Variants in CAST observed in about 807,000 individuals in gnomAD.
The protein encoded by CAST is calpastatin, also known as MIR583 host.
A neutral mutation model predicts 119.6 loss-of-function variants in CAST; 76 were observed. The ratio of observed to expected loss-of-function variants is 0.64; its 90% CI spans 0.53 to 0.77. The LOEUF (loss-of-function observed/expected upper bound fraction) is 0.77, where lower values mean the gene tolerates loss of function less well. Among genes scored for constraint, CAST ranks in the 30% least tolerant of loss-of-function variants. The pLI, the probability that CAST is intolerant of heterozygous loss-of-function variation, is 0.00. For synonymous variants in CAST, 319 were observed against 331.6 expected (o/e 0.96, Z 0.41); for missense variants, 953 against 946.5 (o/e 1.01, Z -0.09).
the CAST span, among the ~76,000 whole-genome samples, chr5:96,207,080 A>G: frequency 1.3e-5 from 2 of 151,988 alleles, no homozygotes; most frequent in Non-Finnish European, 2.9e-5. Flanking sequence ...ATAGGATCAC[A>G]TTCTTGATTT....
chr5:96,596,751 A>G (rs576869535), intron 1 of CAST, among the ~76,000 whole-genome samples: 11 of 152,286 alleles, frequency 7.2e-5, no homozygotes, highest in African/African-American at 2.4e-4. Flanking sequence ...CTACAGCACC[A>G]TGTTGAGAAT....
rs1561513822 is a variant in CAST, at chr5:96,716,618, T to C, written c.211-6021T>C. Among the ~76,000 whole-genome samples the C allele has an allele frequency of 2.6e-5, 4 of 152,044 alleles. 1 individual carries two copies. The highest frequency in any genetic ancestry group is 2.0e-4 in the Admixed American group (3 of 15,256). On this transcript the variant is annotated intron_variant, in intron 3 of 31. Transcript: ENST00000675179. ...TTTTATAAATGTTGTGAGGAAAGGA[T>C]TTTTTTTCACCCATGATTGCCTTTA... is the stretch of plus-strand genomic sequence containing the variant.
chr5:95,986,680 C>T, the CAST span, among the ~76,000 whole-genome samples: 2 of 152,098 alleles, frequency 1.3e-5, no homozygotes, highest in African/African-American at 4.8e-5. Context: ...TCTTCTGGAG[C>T]CACCTTTCTG....
chr5:96,286,630 G>GT, the CAST span, among the ~76,000 whole-genome samples: 1 of 152,096 alleles, frequency 6.6e-6, no homozygotes, highest in East Asian at 1.9e-4. Context: ...TCTCCAACAA[G>GT]GTCTGATTTG....
intron 1 of CAST, among the ~76,000 whole-genome samples, chr5:96,556,340 A>G (rs1012262820): frequency 1.7e-4 from 26 of 152,242 alleles, no homozygotes; most frequent in African/African-American, 6.3e-4. Flanking sequence ...CTCACCAGCA[A>G]CAGAACAAAG....
the CAST span, among the ~76,000 whole-genome samples, chr5:96,084,031 T>C: frequency 1.3e-5 from 2 of 152,198 alleles, no homozygotes; most frequent in Non-Finnish European, 2.9e-5. Flanking sequence ...GTAAAGCATT[T>C]AGAACAATGC....
At chr5:96,029,208 A>G in the CAST span, among the ~76,000 whole-genome samples, 1 of 152,184 alleles carries the variant, frequency 6.6e-6, no homozygotes, top group South Asian at 2.1e-4. Flanking sequence ...AACGTACAAT[A>G]GCAGTTAGGT....
the CAST span, among the ~76,000 whole-genome samples, chr5:95,981,705 C>G: frequency 6.6e-6 from 1 of 152,152 alleles, no homozygotes; most frequent in Non-Finnish European, 1.5e-5. Context: ...GAAACCCCAT[C>G]TCTACTAAAA....
At chr5:96,522,836 T>C (rs1745539339), upstream of CAST, among the ~76,000 whole-genome samples, 1 of 152,198 alleles carries the variant, frequency 6.6e-6, no homozygotes, top group Non-Finnish European at 1.5e-5. Flanking sequence ...CCAGCGGATA[T>C]TTCTCAAGTG....
the CAST span, among the ~76,000 whole-genome samples, chr5:96,349,143 T>TTTA: frequency 6.9e-6 from 1 of 144,692 alleles, no homozygotes; most frequent in Admixed American, 6.9e-5. Context: ...GACACTATTT[T>TTTA]TTTTTTTTTT....
chr5:96,531,482 A>T (rs1580812377), intron 1 of CAST, among the ~76,000 whole-genome samples: 1 of 152,202 alleles, frequency 6.6e-6, no homozygotes, highest in East Asian at 1.9e-4. Flanking sequence ...GCTTCTAGAG[A>T]TTGCCTAGTA....
At position 96,757,654 on chromosome 5, in the gene CAST, T is replaced by C. The variant is rs201746122; in HGVS notation, c.1833T>C (p.Leu611=). 5.6e-6 allele frequency: 9 copies of C among 1,605,304 alleles called. No homozygotes were observed. The Admixed American group carries it at 1.5e-4, about 27-fold the overall frequency. Residue 611 remains leucine (L), a splice_region_variant and synonymous_variant, in exon 24 of 32, where the codon CTT becomes CTC. Transcript: ENST00000675179. The part of the protein sequence containing the change: ...DFSGPQNASS[L]KFEDAKLAAA... The stretch of plus-strand genomic sequence containing the variant: ...CTGGTCCACAAAATGCTTCATCTCT[T>C]GTAAGTCCAAAACTCTTGGTTTTAT...
the CAST span, among the ~76,000 whole-genome samples, chr5:96,140,897 C>T: frequency 6.6e-6 from 1 of 152,172 alleles, no homozygotes; most frequent in South Asian, 2.1e-4. Flanking sequence ...TCTATTGTAA[C>T]ACTCCTTACC....
chr5:96,437,180 G>A, the CAST span, among the ~76,000 whole-genome samples: 2 of 152,296 alleles, frequency 1.3e-5, no homozygotes, highest in Middle Eastern at 6.8e-3. Context: ...TCTATACACT[G>A]CAAAGGCTTT....
At chr5:96,014,977 C>T in the CAST span, among the ~76,000 whole-genome samples, 3 of 151,996 alleles carry the variant, frequency 2.0e-5, no homozygotes, top group Admixed American at 6.6e-5. Flanking sequence ...AAACATTTTA[C>T]GGGTATCAGC....
the CAST span, among the ~76,000 whole-genome samples, chr5:96,120,118 TCTTC>T: frequency 2.6e-5 from 4 of 152,168 alleles, no homozygotes; most frequent in South Asian, 4.1e-4. Flanking sequence ...TAGCATTCAG[TCTTC>T]CTTCCTATTA....
the CAST span, among the ~76,000 whole-genome samples, chr5:95,994,874 T>C: frequency 3.3e-5 from 5 of 152,154 alleles, no homozygotes; most frequent in Non-Finnish European, 7.4e-5. Flanking sequence ...GACTACACAT[T>C]TTAACAAGCA....
chr5:96,771,684 A>G lies in CAST; in HGVS notation c.*5A>G, dbSNP rs1278641375. 3.7e-6 allele frequency: 6 copies of G among 1,610,114 alleles called. No homozygotes were observed. Among genetic ancestry groups the G allele is most frequent in the Non-Finnish European group, 4.2e-6 (5 of 1,176,682 alleles). On this transcript the variant is annotated 3_prime_UTR_variant, in exon 31 of 32. Coordinates refer to ENST00000675179, the MANE Select transcript of CAST (RefSeq NM_001750.7). ...TCCAAGCCAAAAGATGACTAAAGAA[A>G]TACAAGTTAAGGTATCTGGTAAGTT...
chr5:96,187,034 A>G, the CAST span, among the ~76,000 whole-genome samples: 21 of 152,228 alleles, frequency 1.4e-4, no homozygotes, highest in South Asian at 4.4e-3. Flanking sequence ...AGAACTCGTT[A>G]TTGGTCAGTT....
Sources: gnomAD v4.1 joint callset for allele counts (sites outside exome capture counted in the v4.1 genomes callset) on GRCh38, gnomAD v4.1.1 for gene constraint, MANE v1.5 for transcripts, NCBI Gene and HGNC (gene_info 2026-07-23, HGNC 2026-07-21) for gene names.